CCDC146: variants seen among roughly 807,000 people sequenced by gnomAD.
CCDC146 encodes coiled-coil domain-containing protein 146.
In CCDC146, 92 loss-of-function variants were observed where a neutral mutation model predicts 119.3. The observed-to-expected ratio is 0.77, with a 90% CI of 0.65 to 0.92. The LOEUF (loss-of-function observed/expected upper bound fraction) is 0.92. Ranked by LOEUF, CCDC146 falls within the 40% of genes least tolerant of loss-of-function variation. The pLI, the probability that CCDC146 is intolerant of heterozygous loss-of-function variation, is 0.00. For missense variants in CCDC146, 1,000 were observed against 1,103.0 expected, an observed-to-expected ratio of 0.91 and a Z score of 1.32; for synonymous variants, 372 against 371.8, an observed-to-expected ratio of 1.00 and a Z score of -0.01.
chr7:77,181,862 GT>G (rs1466044666), intron 2 of CCDC146, among the ~76,000 whole-genome samples: 1 of 151,978 alleles, frequency 6.6e-6, no homozygotes, highest in Non-Finnish European at 1.5e-5. Flanking sequence ...TTAAAGACTT[GT>G]TTTTCTGAGG....
chr7:77,223,917 G>A (rs1321006216), intron 2 of CCDC146, among the ~76,000 whole-genome samples: 2 of 152,176 alleles, frequency 1.3e-5, no homozygotes, highest in Non-Finnish European at 2.9e-5. Context: ...AGCAGCAGTA[G>A]GGAGAACTAA....
rs779096302 is a variant in CCDC146, at chr7:77,199,240, T to C, written c.156+31416T>C. The C allele has an allele frequency of 6.2e-6, 10 of 1,614,096 alleles. No homozygotes were observed. Among genetic ancestry groups the C allele is most frequent in the Admixed American group, 1.7e-5 (1 of 60,020 alleles). On this transcript the variant is annotated intron_variant, in intron 2 of 18. Coordinates refer to ENST00000285871, the MANE Select transcript of CCDC146 (RefSeq NM_020879.3). ...CTTTGAACATTTGCCATCCAAACTATTGACAACAAATGTTAGATTTGCCAC... is the reference window on the plus strand; with the variant it reads ...CTTTGAACATTTGCCATCCAAACTACTGACAACAAATGTTAGATTTGCCAC...
At chr7:77,140,252 A>C (rs1477331464) in intron 1 of CCDC146, among the ~76,000 whole-genome samples, 1 of 152,070 alleles carries the variant, frequency 6.6e-6, no homozygotes, top group Non-Finnish European at 1.5e-5. Flanking sequence ...TCTTAAAGTC[A>C]CTTACAATAA....
At chr7:77,130,888 C>T (rs953102674) in intron 1 of CCDC146, among the ~76,000 whole-genome samples, 4 of 148,050 alleles carry the variant, frequency 2.7e-5, no homozygotes, top group South Asian at 2.1e-4. Flanking sequence ...TGAGCCACCG[C>T]GCCCGGCCCT....
At chr7:77,190,655 A>C (rs1791746929) in intron 2 of CCDC146, among the ~76,000 whole-genome samples, 2 of 152,236 alleles carry the variant, frequency 1.3e-5, no homozygotes. Context: ...CATGTTTTCA[A>C]AGTATACCCA....
intron 2 of CCDC146, among the ~76,000 whole-genome samples, chr7:77,208,373 C>T (rs764608465): frequency 1.4e-4 from 19 of 132,612 alleles, no homozygotes; most frequent in Non-Finnish European, 2.7e-4. Flanking sequence ...CACATGTAGG[C>T]TATGTGGTAT....
At chr7:77,254,617 T>A (rs1395035328) in intron 5 of CCDC146, 54 bp downstream of exon 5, 1 of 968,742 alleles carries the variant, frequency 1.0e-6, no homozygotes, top group South Asian at 1.5e-5. Flanking sequence ...CAATCATCCC[T>A]TTTTATAAAT....
chr7:77,288,235 TCTGTAACAAC>T lies in CCDC146; in HGVS notation c.2415+662_2415+671del, dbSNP rs371924524. Among the ~76,000 whole-genome samples, 582 of 152,334 alleles carry T rather than the reference TCTGTAACAAC, an allele frequency of 3.8e-3. 4 individuals are homozygous for T. Among genetic ancestry groups the T allele is most frequent in the Middle Eastern group, 0.02 (6 of 294 alleles). ...ATGTTGCATGCTAGTTACCCTGGTC[TCTGTAACAAC>T]CTGCAATGAAGAGGTGAAGGCTGTC... On this transcript the variant is annotated intron_variant, in intron 17 of 18. Transcript: ENST00000285871.
At chr7:77,178,553 A>G (rs574951571) in intron 2 of CCDC146, among the ~76,000 whole-genome samples, 1 of 152,140 alleles carries the variant, frequency 6.6e-6, no homozygotes, top group Non-Finnish European at 1.5e-5. Flanking sequence ...CTAGTTCTTT[A>G]CTGACATAAT....
chr7:77,201,121 C>T (rs906927752), intron 2 of CCDC146, among the ~76,000 whole-genome samples: 1 of 152,190 alleles, frequency 6.6e-6, no homozygotes, highest in African/African-American at 2.4e-5. Flanking sequence ...GGAGACCTGG[C>T]TTCCAACCCT....
At chr7:77,225,636 C>T (rs1792495332) in intron 2 of CCDC146, among the ~76,000 whole-genome samples, 1 of 147,402 alleles carries the variant, frequency 6.8e-6, no homozygotes, top group African/African-American at 2.6e-5. Context: ...CTAGACTATG[C>T]TAGCCAGTAA....
intron 3 of CCDC146, among the ~76,000 whole-genome samples, chr7:77,240,706 A>G (rs1792826707): frequency 6.6e-6 from 1 of 152,262 alleles, no homozygotes; most frequent in Non-Finnish European, 1.5e-5. Flanking sequence ...CAAAAATAAT[A>G]TACGAAGTTC....
chr7:77,151,573 C>G (rs1791109132), intron 1 of CCDC146, among the ~76,000 whole-genome samples: 1 of 152,112 alleles, frequency 6.6e-6, no homozygotes, highest in South Asian at 2.1e-4. Flanking sequence ...GAATTGTACA[C>G]TTAAACTTGT....
intron 2 of CCDC146, chr7:77,199,751 C>A (rs1428119829): frequency 6.2e-7 from 1 of 1,613,974 alleles, no homozygotes; most frequent in African/African-American, 1.3e-5. Context: ...CCGTAAGTGG[C>A]AAGAACAGCT....
At chr7:77,129,557 G>T (rs1013863715) in intron 1 of CCDC146, among the ~76,000 whole-genome samples, 23 of 152,170 alleles carry the variant, frequency 1.5e-4, no homozygotes, top group African/African-American at 4.8e-4. Flanking sequence ...AGTGTATATA[G>T]AGTTTGGTAC....
intron 2 of CCDC146, among the ~76,000 whole-genome samples, chr7:77,169,490 CTT>C (rs1791385388): frequency 6.6e-6 from 1 of 152,278 alleles, no homozygotes; most frequent in African/African-American, 2.4e-5. Flanking sequence ...CAGATCAACT[CTT>C]GTTATGATGG....
intron 1 of CCDC146, among the ~76,000 whole-genome samples, chr7:77,146,048 A>T (rs1450974491): frequency 1.3e-5 from 2 of 151,492 alleles, no homozygotes; most frequent in Non-Finnish European, 2.9e-5. Context: ...ATTGTGGGGG[A>T]GTCTAGGTCT....
intron 5 of CCDC146, 100 bp from the exon 6 acceptor site, chr7:77,256,233 T>C: frequency 4.9e-6 from 4 of 809,962 alleles, no homozygotes; most frequent in Non-Finnish European, 7.6e-6. Context: ...TCAAAACAAA[T>C]ATAATCAAAA....
At chr7:77,244,691 CAATGATGAAG>C (rs1236811240) in intron 4 of CCDC146, among the ~76,000 whole-genome samples, 1 of 152,182 alleles carries the variant, frequency 6.6e-6, no homozygotes, top group African/African-American at 2.4e-5. Context: ...GATGTTCACA[CAATGATGAAG>C]TTGCCTAACG....
Sources: gnomAD v4.1 joint callset for allele counts (sites outside exome capture counted in the v4.1 genomes callset) on GRCh38, gnomAD v4.1.1 for gene constraint, MANE v1.5 for transcripts, NCBI Gene and HGNC (gene_info 2026-07-23, HGNC 2026-07-21) for gene names.